The following NXPH1 variants were observed in gnomAD, a reference collection of about 807,000 sequenced individuals.
The protein encoded by NXPH1 is neurexophilin-1.
NXPH1 carries 5 observed loss-of-function variants against 23.7 expected under a neutral mutation model. That is an observed-to-expected ratio of 0.21 (90% CI 0.11 to 0.44). The LOEUF is 0.44. Ranked by LOEUF, NXPH1 falls within the 20% of genes least tolerant of loss-of-function variation. NXPH1 has a pLI of 0.99. For synonymous variants in NXPH1, 144 were observed against 122.2 expected (o/e 1.18, Z -1.18); for missense variants, 324 against 321.6 (o/e 1.01, Z -0.06).
At position 8,464,626 on chromosome 7, in the gene NXPH1, T is replaced by C. The variant is rs184490994; in HGVS notation, c.54+28859T>C. Among the ~76,000 whole-genome samples the C allele has an allele frequency of 1.1e-3, 168 of 152,324 alleles. 1 individual carries two copies. The highest frequency in any genetic ancestry group is 3.8e-3 in the African/African-American group (160 of 41,568). On this transcript the variant is annotated intron_variant, in intron 2 of 2. Transcript: ENST00000405863. ...TCTAGATTTGAATTCTGTTTAGTTCTGTTAAGGCAACCTAGAAAAGATAAC... is the reference window on the plus strand; with the variant it reads ...TCTAGATTTGAATTCTGTTTAGTTCCGTTAAGGCAACCTAGAAAAGATAAC...
At chr7:8,652,914 G>A (rs1820512005) in intron 2 of NXPH1, among the ~76,000 whole-genome samples, 1 of 152,020 alleles carries the variant, frequency 6.6e-6, no homozygotes, top group South Asian at 2.1e-4. Flanking sequence ...TATTCTTTAA[G>A]AGACTTCTTT....
intron 2 of NXPH1, among the ~76,000 whole-genome samples, chr7:8,503,946 G>T (rs1413606840): frequency 6.6e-6 from 1 of 151,966 alleles, no homozygotes; most frequent in African/African-American, 2.4e-5. Flanking sequence ...CATCTACATT[G>T]TGGTCCTAAG....
intron 2 of NXPH1, among the ~76,000 whole-genome samples, chr7:8,731,926 G>A (rs563119762): frequency 5.9e-5 from 9 of 152,212 alleles, no homozygotes; most frequent in Non-Finnish European, 8.8e-5. Context: ...AATGGCGGGC[G>A]CCCCTCCCCC....
At chr7:8,552,347 T>C (rs1042629988) in intron 2 of NXPH1, among the ~76,000 whole-genome samples, 5 of 151,462 alleles carry the variant, frequency 3.3e-5, no homozygotes, top group African/African-American at 1.2e-4. Flanking sequence ...TAGCACTTTG[T>C]TTGAATGAAA....
chr7:8,626,356 T>G (rs1272246014), intron 2 of NXPH1, among the ~76,000 whole-genome samples: 1 of 151,782 alleles, frequency 6.6e-6, no homozygotes, highest in Admixed American at 6.6e-5. Flanking sequence ...GATGTGTCAG[T>G]GGGATATACT....
At chr7:8,647,802 G>T (rs1583213254) in intron 2 of NXPH1, among the ~76,000 whole-genome samples, 3 of 148,578 alleles carry the variant, frequency 2.0e-5, no homozygotes, top group Non-Finnish European at 3.0e-5. Flanking sequence ...AACTAAGTTT[G>T]GTTAATTTTT....
At chr7:8,454,539 C>T (rs1816559023) in intron 2 of NXPH1, among the ~76,000 whole-genome samples, 1 of 152,076 alleles carries the variant, frequency 6.6e-6, no homozygotes, top group South Asian at 2.1e-4. Context: ...AGAATTAGGG[C>T]CAGTCATGGA....
chr7:8,485,744 A>G (rs1318985733), intron 2 of NXPH1, among the ~76,000 whole-genome samples: 4 of 152,218 alleles, frequency 2.6e-5, no homozygotes, highest in African/African-American at 9.6e-5. Flanking sequence ...CTGTAGGCTA[A>G]TAAGTTTCAA....
intron 2 of NXPH1, among the ~76,000 whole-genome samples, chr7:8,644,141 T>C (rs1820359598): frequency 6.6e-6 from 1 of 152,208 alleles, no homozygotes; most frequent in Non-Finnish European, 1.5e-5. Context: ...GGCCTGGATA[T>C]CTAGGCTAAA....
chr7:8,548,269 T>C (rs1303790819), intron 2 of NXPH1, among the ~76,000 whole-genome samples: 1 of 151,564 alleles, frequency 6.6e-6, no homozygotes, highest in Non-Finnish European at 1.5e-5. Flanking sequence ...TGAGCACTAC[T>C]CCTAGTGTAG....
At chr7:8,532,855 G>A (rs1463159100) in intron 2 of NXPH1, among the ~76,000 whole-genome samples, 2 of 152,070 alleles carry the variant, frequency 1.3e-5, no homozygotes, top group Non-Finnish European at 2.9e-5. Flanking sequence ...TGTGCTCTGG[G>A]TACATTCTCA....
At chr7:8,701,469 T>TC (rs757171613) in intron 2 of NXPH1, among the ~76,000 whole-genome samples, 5 of 152,114 alleles carry the variant, frequency 3.3e-5, no homozygotes, top group Non-Finnish European at 1.5e-5. Context: ...CTTATTGTTC[T>TC]CCCCCAATAT....
At chr7:8,740,398 C>G (rs1242727159) in intron 2 of NXPH1, among the ~76,000 whole-genome samples, 7 of 152,126 alleles carry the variant, frequency 4.6e-5, no homozygotes, top group Non-Finnish European at 7.4e-5. Context: ...GCACTACATA[C>G]AAATTTTTCA....
intron 2 of NXPH1, among the ~76,000 whole-genome samples, chr7:8,748,701 A>T (rs937114745): frequency 3.3e-5 from 5 of 152,148 alleles, no homozygotes; most frequent in African/African-American, 1.2e-4. Context: ...AGCCTCAAAG[A>T]GTTCACAGTT....
intron 2 of NXPH1, among the ~76,000 whole-genome samples, chr7:8,533,387 A>G (rs73678050): frequency 0.01 from 1,558 of 152,214 alleles, 19 homozygotes; most frequent in African/African-American, 0.034. Context: ...TAAAATTAGA[A>G]TCCATATCAT....
chr7:8,486,132 A>C (rs1284541989), intron 2 of NXPH1, among the ~76,000 whole-genome samples: 1 of 152,158 alleles, frequency 6.6e-6, no homozygotes, highest in Admixed American at 6.5e-5. Flanking sequence ...TTTCTGATAA[A>C]ATTGATTTTG....
At chr7:8,575,032 A>G (rs1197207693) in intron 2 of NXPH1, among the ~76,000 whole-genome samples, 10 of 152,148 alleles carry the variant, frequency 6.6e-5, no homozygotes, top group Admixed American at 5.9e-4. Flanking sequence ...TTAAATCTAA[A>G]ATGTAAATAG....
intron 2 of NXPH1, among the ~76,000 whole-genome samples, chr7:8,507,210 G>A (rs959982624): frequency 5.3e-5 from 8 of 151,772 alleles, no homozygotes; most frequent in African/African-American, 1.9e-4. Context: ...AGAAGGAAGT[G>A]TCTGAATGAC....
chr7:8,679,730 G>A (rs919177775), intron 2 of NXPH1, among the ~76,000 whole-genome samples: 3 of 152,120 alleles, frequency 2.0e-5, no homozygotes, highest in Admixed American at 2.0e-4. Flanking sequence ...TCTTCATTAA[G>A]ATTTAAGCTA....
Sources: allele counts gnomAD v4.1 joint callset (sites outside exome capture counted in the v4.1 genomes callset), GRCh38; gene constraint gnomAD v4.1.1; transcripts MANE v1.5; gene names NCBI Gene and HGNC (gene_info 2026-07-23, HGNC 2026-07-21).